The following REPS2 variants were observed in gnomAD, a reference collection of about 807,000 sequenced individuals.
REPS2 encodes the protein RALBP1 associated Eps domain containing 2, also known as ralBP1-associated Eps domain-containing protein 2.
A neutral mutation model predicts 53.6 loss-of-function variants in REPS2; 23 were observed. The observed-to-expected ratio is 0.43, with a 90% confidence interval of 0.31 to 0.61. The LOEUF (loss-of-function observed/expected upper bound fraction) is 0.61, where lower values mean the gene tolerates loss of function less well. Among genes scored for constraint, REPS2 ranks in the 20% least tolerant of loss-of-function variants. The pLI, the probability that REPS2 is intolerant of heterozygous loss-of-function variation, is 0.11. For synonymous variants in REPS2, 238 were observed against 218.6 expected (o/e 1.09, Z -0.78); for missense variants, 446 against 534.9 (o/e 0.83, Z 1.64).
chrX:17,068,627 A>G (rs1289329827), intron 10 of REPS2, among the ~76,000 whole-genome samples, 156 bp downstream of exon 10: 1 of 112,776 alleles, frequency 8.9e-6, no homozygotes. Context: ...TCATAAAACA[A>G]TAGTTCACAA....
the REPS2 span, among the ~76,000 whole-genome samples, chrX:17,174,392 G>A: frequency 1.8e-5 from 2 of 112,081 alleles, no homozygotes; most frequent in Non-Finnish European, 3.8e-5. Context: ...AAAAATGACA[G>A]ATGCCAGGGT....
intron 2 of REPS2, among the ~76,000 whole-genome samples, chrX:17,019,695 C>A (rs1193587624): frequency 9.0e-6 from 1 of 110,850 alleles, no homozygotes; most frequent in African/African-American, 3.3e-5. Context: ...AGCATGGTGG[C>A]AAGCACCTGG....
chrX:17,033,934 C>A (rs1392097990), intron 5 of REPS2, among the ~76,000 whole-genome samples: 1 of 112,094 alleles, frequency 8.9e-6, no homozygotes, highest in Non-Finnish European at 1.9e-5. Flanking sequence ...GTGTTCTCTG[C>A]GTGGGAGCCT....
In REPS2 at chrX:17,150,335, G is replaced by C. The variant is rs2063557802; in HGVS notation, c.*2854G>C. ...GGTCAATGTTGTCCCCATCCATAGG[G>C]GTTGAATTACCTTGCTGTTAAGTGG... On this transcript the variant is annotated 3_prime_UTR_variant, in exon 18 of 18. Coordinates refer to ENST00000357277, the MANE Select transcript of REPS2 (RefSeq NM_004726.3). The C allele has an allele frequency of 8.9e-6, 1 of 112,203 alleles. No homozygotes were observed. Among genetic ancestry groups the C allele is most frequent in the African/African-American group, 3.2e-5 (1 of 30,838 alleles). The allele number at this position is 112,203 out of a possible 1,213,427, so 9.2% of individuals were successfully genotyped here.
intron 13 of REPS2, among the ~76,000 whole-genome samples, chrX:17,100,555 C>T (rs111501569): frequency 0.025 from 2,835 of 112,205 alleles, 95 homozygotes; most frequent in African/African-American, 0.088. Flanking sequence ...CTGCCTGCAC[C>T]GCCTTCATAA....
At chrX:16,947,245 G>T in intron 1 of REPS2, 111 bp downstream of exon 1, 1 of 911,387 alleles carries the variant, frequency 1.1e-6, no homozygotes, top group Non-Finnish European at 1.4e-6. Flanking sequence ...GCCTCGGCCA[G>T]TTCTGAGAGA....
chrX:16,969,010 G>A (rs750445656), intron 1 of REPS2, among the ~76,000 whole-genome samples: 13 of 110,515 alleles, frequency 1.2e-4, no homozygotes, highest in African/African-American at 2.6e-4. Flanking sequence ...CTTTTCAGAC[G>A]GGGCGGTTGC....
intron 1 of REPS2, among the ~76,000 whole-genome samples, chrX:16,978,318 A>T (rs181015254): frequency 1.8e-5 from 2 of 111,852 alleles, no homozygotes; most frequent in African/African-American, 3.2e-5. Context: ...TGATTTCCTA[A>T]TACTTTCCCG....
Position 17,147,469 on chromosome X carries a change from C to A in REPS2, c.1971C>A (p.Val657=). The change falls in exon 18 of 18, where the codon GTC becomes GTA. Residue 657 remains valine, a synonymous_variant. Transcript: ENST00000357277. ...LENQLEQLRP[V]TVL is the part of the protein sequence containing the mutation. ...ACCAATTGGAACAACTTCGTCCGGT[C>A]ACTGTGTTGTGACCCCCCCATGGTT... 8.3e-7 allele frequency: 1 copy of A among 1,203,576 alleles called. No homozygotes were observed. The highest frequency in any genetic ancestry group is 1.1e-6 in the Non-Finnish European group (1 of 889,375).
intron 17 of REPS2, among the ~76,000 whole-genome samples, chrX:17,145,033 G>C (rs753119701): frequency 1.8e-5 from 2 of 112,124 alleles, no homozygotes; most frequent in Non-Finnish European, 3.8e-5. Context: ...ATACTCAGCA[G>C]CTGGCAGAAT....
intron 14 of REPS2, among the ~76,000 whole-genome samples, chrX:17,132,307 A>G (rs777551862): frequency 1.8e-5 from 2 of 112,126 alleles, no homozygotes; most frequent in Non-Finnish European, 3.8e-5. Context: ...ATTGGGGGCC[A>G]GACCCCAACA....
chrX:17,164,173 C>T, the REPS2 span, among the ~76,000 whole-genome samples: 1 of 111,058 alleles, frequency 9.0e-6, no homozygotes, highest in Admixed American at 9.6e-5. Context: ...GTTACAATAC[C>T]CAGGGCAATG....
chrX:17,159,585 GTTATTTGC>G, the REPS2 span, among the ~76,000 whole-genome samples: 1 of 111,685 alleles, frequency 9.0e-6, no homozygotes, highest in African/African-American at 3.3e-5. Context: ...TCTTGGGCAA[GTTATTTGC>G]TTCTCTGTGC....
intron 9 of REPS2, 64 bp from the exon 10 acceptor site, chrX:17,068,338 A>G (rs1663044950): frequency 2.1e-6 from 2 of 967,026 alleles, no homozygotes; most frequent in Admixed American, 2.8e-5. Context: ...TTTTTTCATC[A>G]TATGTGCGCA....
chrX:16,996,180 G>T (rs1475248832), intron 1 of REPS2, among the ~76,000 whole-genome samples: 1 of 111,435 alleles, frequency 9.0e-6, no homozygotes, highest in African/African-American at 3.3e-5. Flanking sequence ...AAAGTGATGA[G>T]TATCTAGATA....
At chrX:17,173,351 C>G in the REPS2 span, among the ~76,000 whole-genome samples, 1 of 112,175 alleles carries the variant, frequency 8.9e-6, no homozygotes, top group South Asian at 3.7e-4. Flanking sequence ...GGCCTGGCTT[C>G]TTCCCGGCTG....
chrX:17,030,447 A>G (rs2061695285), intron 5 of REPS2, among the ~76,000 whole-genome samples: 1 of 111,097 alleles, frequency 9.0e-6, no homozygotes, highest in Non-Finnish European at 1.9e-5. Flanking sequence ...ATTTTTGCAC[A>G]GGCACTTCTA....
chrX:17,025,681 G>A (rs1452815435), intron 4 of REPS2, among the ~76,000 whole-genome samples: 1 of 112,041 alleles, frequency 8.9e-6, no homozygotes, highest in Non-Finnish European at 1.9e-5. Context: ...AATGCTAGGG[G>A]TAGCATTTTG....
intron 5 of REPS2, 87 bp from the exon 6 acceptor site, chrX:17,047,260 C>A: frequency 9.8e-7 from 1 of 1,025,374 alleles, no homozygotes; most frequent in Non-Finnish European, 1.4e-6. Context: ...AAGCATAACA[C>A]ATGATAACTT....
Sources: allele counts gnomAD v4.1 joint callset (sites outside exome capture counted in the v4.1 genomes callset), GRCh38; gene constraint gnomAD v4.1.1; transcripts MANE v1.5; gene names NCBI Gene and HGNC (gene_info 2026-07-23, HGNC 2026-07-21).